Variants in PKD1L1 observed in about 807,000 individuals in gnomAD.
The protein encoded by PKD1L1 is polycystin-1-like protein 1.
In PKD1L1, 236 loss-of-function variants were observed where a neutral mutation model predicts 323.4. That is an observed-to-expected ratio of 0.73 (90% CI 0.66 to 0.81). The LOEUF (loss-of-function observed/expected upper bound fraction) is 0.81, where lower values mean the gene tolerates loss of function less well. Ranked by LOEUF, PKD1L1 falls within the 40% of genes least tolerant of loss-of-function variation. The pLI, the probability that PKD1L1 is intolerant of heterozygous loss-of-function variation, is 0.00. For missense variants in PKD1L1, 3,320 were observed against 3,508.0 expected, an observed-to-expected ratio of 0.95 and a Z score of 1.35; for synonymous variants, 1,344 against 1,335.0, an observed-to-expected ratio of 1.01 and a Z score of -0.15.
intron 15 of PKD1L1, among the ~76,000 whole-genome samples, chr7:47,892,994 G>A (rs1340835115): frequency 3.3e-5 from 5 of 152,258 alleles, no homozygotes; most frequent in South Asian, 4.1e-4. Context: ...ACTTTGGGAC[G>A]CCAAGGCAGG....
intron 52 of PKD1L1, among the ~76,000 whole-genome samples, chr7:47,806,055 A>C (rs1005678272): frequency 6.6e-6 from 1 of 152,176 alleles, no homozygotes; most frequent in Non-Finnish European, 1.5e-5. Context: ...CAGGGAACAT[A>C]ATGAGAAAGA....
Position 47,908,155 on chromosome 7 carries a change from C to T in PKD1L1, c.1324G>A (p.Val442Met), listed in dbSNP as rs139392810. Residue 442 changes from valine (V) to methionine (M), a missense_variant, in exon 9 of 57, where the codon GTG (valine) becomes ATG (methionine). By Grantham distance (21) the Val-to-Met change is conservative. Transcript: ENST00000289672. ...PYYVEIGHEA[V>M]SAFMNSSSVH... ...CTGCTGGAGTTCATGAACGCAGACACGGCCTCATGGCCAATCTCCACATAA... is the reference window on the plus strand; with the variant it reads ...CTGCTGGAGTTCATGAACGCAGACATGGCCTCATGGCCAATCTCCACATAA... The T allele has an allele frequency of 3.4e-4, 556 of 1,614,212 alleles. 2 individuals are homozygous for T. The African/African-American group carries it at 4.3e-3, about 12-fold the overall frequency.
intron 26 of PKD1L1, among the ~76,000 whole-genome samples, chr7:47,860,086 A>C (rs1562962254): frequency 1.3e-5 from 2 of 152,236 alleles, no homozygotes; most frequent in Non-Finnish European, 2.9e-5. Context: ...ATTTAGAAGC[A>C]AAAAGCAAAT....
intron 2 of PKD1L1, among the ~76,000 whole-genome samples, chr7:47,940,680 G>A (rs1444209423): frequency 2.0e-5 from 3 of 152,148 alleles, no homozygotes. Flanking sequence ...CACCACAGTC[G>A]GAAGGAGTGG....
At position 47,858,769 on chromosome 7, in the gene PKD1L1, G is replaced by A; in HGVS notation, c.4266C>T (p.Leu1422=). 1 of 1,614,184 alleles carries A rather than the reference G, an allele frequency of 6.2e-7. No homozygotes were observed. The highest frequency in any genetic ancestry group is 8.5e-7 in the Non-Finnish European group (1 of 1,180,020). ...DKGVRLELIG[L]ISRVWEVSEQ... ...CAGAGACTTCCCAGACTCTGGATAT[G>A]AGACCGATGAGCTCAAGCCTCACTC... The change falls in exon 27 of 57, where the codon CTC becomes CTT. Residue 1422 remains leucine (L), a synonymous_variant. Transcript: ENST00000289672.
At chr7:47,828,296 C>T (rs1033827180) in intron 44 of PKD1L1, among the ~76,000 whole-genome samples, 4 of 152,108 alleles carry the variant, frequency 2.6e-5, no homozygotes, top group Admixed American at 6.5e-5. Flanking sequence ...GGAGCCTCAC[C>T]TCTGAGGTTG....
At position 47,852,272 on chromosome 7, in the gene PKD1L1, T is replaced by C. The variant is rs552004348; in HGVS notation, c.4960+855A>G. 5.9e-5 allele frequency among the ~76,000 whole-genome samples: 9 copies of C among 152,346 alleles called. No individual in the cohort carries two copies. In the East Asian group the frequency reaches 1.7e-3, roughly 29 times the overall value. ...TATGGGTATATGTTGTGCGTATTTT[T>C]CTAATTTTCTATCAGCTTGAAATTA... On this transcript the variant is annotated intron_variant, in intron 31 of 56. Coordinates refer to ENST00000289672, the MANE Select transcript of PKD1L1 (RefSeq NM_138295.5).
rs760225900 is a variant in PKD1L1 at position 47,877,643 on chromosome 7, G to C, written c.3521-12C>G. The C allele has an allele frequency of 1.2e-6, 2 of 1,612,740 alleles. No homozygotes were observed. The highest frequency in any genetic ancestry group is 2.2e-5 in the South Asian group (2 of 90,910). On this transcript the variant is annotated splice_polypyrimidine_tract_variant and intron_variant, in intron 21 of 56. Coordinates refer to ENST00000289672, the MANE Select transcript of PKD1L1 (RefSeq NM_138295.5). ...GCCATGCTTCGAAGCTAAAGAGAAA[G>C]ATGAAGCAGCGGTTTCACCCATGAT...
chr7:47,811,944 A>T lies in PKD1L1; in HGVS notation c.7454T>A (p.Leu2485His), dbSNP rs761633022. The change falls in exon 50 of 57, where the codon CTC (leucine) becomes CAC (histidine). Residue 2485 changes from leucine (L) to histidine (H), a missense_variant. Transcript: ENST00000289672. ...HFTLYNPPTQ[L>H]FTSVSLRVEI... ...CACTCTCAGGGACACGCTGGTGAAGAGTTGGGTTGGAGGGTTATAGAGAGT... is the reference window on the plus strand; with the variant it reads ...CACTCTCAGGGACACGCTGGTGAAGTGTTGGGTTGGAGGGTTATAGAGAGT... The T allele has an allele frequency of 6.9e-6, 11 of 1,605,272 alleles. No individual in the cohort carries two copies. The East Asian group carries it at 2.0e-4, about 30-fold the overall frequency.
intron 28 of PKD1L1, among the ~76,000 whole-genome samples, chr7:47,857,055 C>T (rs1785920859): frequency 6.6e-6 from 1 of 152,204 alleles, no homozygotes; most frequent in Admixed American, 6.5e-5. Context: ...CCTCACATCC[C>T]CCTTTCACTG....
At chr7:47,834,008 G>A (rs1785403573) in intron 40 of PKD1L1, among the ~76,000 whole-genome samples, 3 of 152,198 alleles carry the variant, frequency 2.0e-5, no homozygotes, top group African/African-American at 4.8e-5. Context: ...CCACGGTCCT[G>A]CCGGTATTTA....
intron 14 of PKD1L1, among the ~76,000 whole-genome samples, chr7:47,896,259 G>A (rs752326021): frequency 1.3e-5 from 2 of 149,734 alleles, no homozygotes; most frequent in Non-Finnish European, 1.5e-5. Context: ...AGCCCAGGAG[G>A]GAGAGGTTGC....
Position 47,842,981 on chromosome 7 carries a change from G to A in PKD1L1, c.5426C>T (p.Pro1809Leu), listed in dbSNP as rs201261496. ...AGCTACCTTTGAGGTCAACCTGGCC[G>A]GAGCTCGGAAGCCAGTGTCAATGAC... ...AVVIDTGFRA[P>L]ARLTSKVYIV... The change falls in exon 34 of 57, where the codon CCG (proline) becomes CTG (leucine). Residue 1809 changes from proline (P) to leucine (L), a missense_variant. Coordinates refer to ENST00000289672, the MANE Select transcript of PKD1L1 (RefSeq NM_138295.5). 19 of 1,613,394 alleles carry A rather than the reference G, an allele frequency of 1.2e-5. No homozygotes were observed. The highest frequency in any genetic ancestry group is 1.1e-4 in the South Asian group (10 of 90,886).
At chr7:47,880,276 A>T (rs867086968) in intron 21 of PKD1L1, among the ~76,000 whole-genome samples, 4,328 of 73,504 alleles carry the variant, frequency 0.059, 219 homozygotes, top group African/African-American at 0.076. Flanking sequence ...ATATATATAT[A>T]TATATATATT....
Position 47,929,532 on chromosome 7 carries a change from G to A in PKD1L1, c.738-6C>T, listed in dbSNP as rs1302815050. On this transcript the variant is annotated splice_region_variant and splice_polypyrimidine_tract_variant and intron_variant, in intron 6 of 56. Transcript: ENST00000289672. The stretch of plus-strand genomic sequence containing the variant: ...CAGGCGGAAGGCCGTGGGAGCTGTG[G>A]GAGAGAGGGAGAGGCTTCAGATTTC... 1 of 1,604,316 alleles carries A rather than the reference G, an allele frequency of 6.2e-7. No homozygotes were observed. The highest frequency in any genetic ancestry group is 1.3e-5 in the African/African-American group (1 of 74,892).
intron 14 of PKD1L1, 66 bp from the exon 15 acceptor site, chr7:47,894,125 C>G: frequency 1.4e-6 from 2 of 1,411,468 alleles, no homozygotes; most frequent in Non-Finnish European, 1.9e-6. Flanking sequence ...TGGAGAAACA[C>G]ACTAGTCTGA....
rs1349462237 is a variant in PKD1L1, at chr7:47,884,593, G to C, written c.3265+5C>G. ...GAGAGGCAGCAGGCATAGAAGCACA[G>C]TCACCTGGCTGTCTTCCTCCCGATG... On this transcript the variant is annotated splice_donor_5th_base_variant and intron_variant, in intron 19 of 56. Coordinates refer to ENST00000289672, the MANE Select transcript of PKD1L1 (RefSeq NM_138295.5). 1 of 1,613,438 alleles carries C rather than the reference G, an allele frequency of 6.2e-7. No individual in the cohort carries two copies.
chr7:47,911,578 ACTTAAT>A (rs1301069243), intron 8 of PKD1L1, among the ~76,000 whole-genome samples: 1 of 152,238 alleles, frequency 6.6e-6, no homozygotes, highest in Non-Finnish European at 1.5e-5. Context: ...TTAGCCTTCT[ACTTAAT>A]CTTCTAGGAG....
intron 56 of PKD1L1, among the ~76,000 whole-genome samples, chr7:47,787,506 G>A (rs946907484): frequency 3.3e-5 from 5 of 152,150 alleles, no homozygotes; most frequent in African/African-American, 1.2e-4. Context: ...TCTTTTCTCA[G>A]CCATAGGAAA....
Sources: gnomAD v4.1 joint callset for allele counts (sites outside exome capture counted in the v4.1 genomes callset) on GRCh38, gnomAD v4.1.1 for gene constraint, MANE v1.5 for transcripts, NCBI Gene and HGNC (gene_info 2026-07-23, HGNC 2026-07-21) for gene names.